Variants in RAB6B observed in about 807,000 individuals in gnomAD.
RAB6B encodes the protein RAB6B, member RAS oncogene family.
A neutral mutation model predicts 31.2 loss-of-function variants in RAB6B; 7 were observed. The observed-to-expected ratio is 0.22, with a 90% CI of 0.13 to 0.42. RAB6B has a LOEUF of 0.42. Ranked by LOEUF, RAB6B falls within the 10% of genes least tolerant of loss-of-function variation. The probability of loss-of-function intolerance (pLI) is 1.00; values close to 1 mark genes in which losing one functional copy is unlikely to be tolerated. For synonymous variants in RAB6B, 105 were observed against 104.9 expected, an observed-to-expected ratio of 1.00 and a Z score of -0.01; for missense variants, 149 against 280.6, an observed-to-expected ratio of 0.53 and a Z score of 3.35.
intron 1 of RAB6B, among the ~76,000 whole-genome samples, chr3:133,884,225 C>A (rs1370750367): frequency 1.3e-5 from 2 of 152,242 alleles, no homozygotes; most frequent in African/African-American, 4.8e-5. Context: ...TGCAGAAGAA[C>A]AGGAAGGGCA....
At chr3:133,891,912 T>C (rs1192097702) in intron 1 of RAB6B, among the ~76,000 whole-genome samples, 1 of 152,092 alleles carries the variant, frequency 6.6e-6, no homozygotes, top group Non-Finnish European at 1.5e-5. Context: ...TGCGTCTCCA[T>C]CCAGTCTTCC....
At chr3:133,849,766 C>A (rs1303990277) in intron 2 of RAB6B, among the ~76,000 whole-genome samples, 1 of 152,162 alleles carries the variant, frequency 6.6e-6, no homozygotes, top group Admixed American at 6.5e-5. Context: ...CTGTCATAAT[C>A]TTATGGTCAT....
chr3:133,841,167 C>G (rs1158701200), intron 4 of RAB6B, 118 bp downstream of exon 4: 5 of 669,856 alleles, frequency 7.5e-6, no homozygotes, highest in Non-Finnish European at 1.2e-5. Context: ...CAATCGCACA[C>G]ACATGCGTGT....
At chr3:133,835,387 ATG>A (rs1935719035) in intron 6 of RAB6B, among the ~76,000 whole-genome samples, 1 of 151,070 alleles carries the variant, frequency 6.6e-6, no homozygotes, top group Admixed American at 6.6e-5. Context: ...TGGCATCTTT[ATG>A]TGTGTGTTTG....
At chr3:133,885,791 T>G in intron 1 of RAB6B, 4 of 592,202 alleles carry the variant, frequency 6.8e-6, no homozygotes, top group South Asian at 6.2e-5. Context: ...TGAGGCCTCA[T>G]TCTAAGAGAA....
At chr3:133,884,768 C>T (rs941586641) in intron 1 of RAB6B, among the ~76,000 whole-genome samples, 3 of 151,102 alleles carry the variant, frequency 2.0e-5, no homozygotes, top group Admixed American at 2.0e-4. Context: ...ATACCCAGTG[C>T]CCAAAGGACA....
At position 133,849,951 on chromosome 3, in the gene RAB6B, CA is replaced by C. The variant is rs143272181; in HGVS notation, c.130-8289del. 2.2e-3 allele frequency among the ~76,000 whole-genome samples: 335 copies of C among 152,248 alleles called. 3 individuals carry two copies. Among genetic ancestry groups the C allele is most frequent in the African/African-American group, 7.7e-3 (318 of 41,554 alleles). ...TCATCTATTTGCCTCAAATAAGGCA[CA>C]AACAGTCTTACTGGTTGAGAAATTA... On this transcript the variant is annotated intron_variant, in intron 2 of 7. Coordinates refer to ENST00000285208, the MANE Select transcript of RAB6B (RefSeq NM_016577.4).
intron 1 of RAB6B, among the ~76,000 whole-genome samples, chr3:133,874,618 A>T (rs927406687): frequency 6.6e-6 from 1 of 152,246 alleles, no homozygotes; most frequent in East Asian, 1.9e-4. Flanking sequence ...AAATCTATTT[A>T]AAAATATTTT....
chr3:133,885,660 A>G (rs1204830761), intron 1 of RAB6B: 7 of 702,512 alleles, frequency 1.0e-5, no homozygotes, highest in Non-Finnish European at 1.8e-5. Flanking sequence ...CAGGGAACCC[A>G]GGGCACTGTG....
intron 2 of RAB6B, among the ~76,000 whole-genome samples, chr3:133,848,358 A>G (rs1164115354): frequency 6.6e-6 from 1 of 152,152 alleles, no homozygotes; most frequent in Non-Finnish European, 1.5e-5. Flanking sequence ...CCACTGCCCT[A>G]GTTTAGACAC....
At chr3:133,839,468 G>A in intron 5 of RAB6B, 38 bp downstream of exon 5, 1 of 1,515,136 alleles carries the variant, frequency 6.6e-7, no homozygotes. Flanking sequence ...CAGAGGAGTG[G>A]AGGGTGGCAC....
Position 133,874,051 on chromosome 3 carries a change from T to C in RAB6B, c.71-9409A>G, listed in dbSNP as rs571257741. Among the ~76,000 whole-genome samples the C allele has an allele frequency of 4.7e-4, 71 of 152,286 alleles. No homozygotes were observed. The South Asian group carries it at 7.7e-3, about 17-fold the overall frequency. On this transcript the variant is annotated intron_variant, in intron 1 of 7. Transcript: ENST00000285208. ...GAAGAGGAGGAGGAAGGGAAAGGGT[T>C]GGTCTTGCTGTCTCAAAAATGGCAG... is the stretch of plus-strand genomic sequence containing the variant.
intron 5 of RAB6B, among the ~76,000 whole-genome samples, 195 bp downstream of exon 5, chr3:133,839,311 G>A (rs1295195480): frequency 6.6e-6 from 1 of 152,238 alleles, no homozygotes; most frequent in Non-Finnish European, 1.5e-5. Context: ...GTGGAAGACA[G>A]GGCTTCACAG....
chr3:133,840,176 A>G (rs902416225), intron 4 of RAB6B, among the ~76,000 whole-genome samples: 3 of 151,864 alleles, frequency 2.0e-5, no homozygotes, highest in African/African-American at 7.3e-5. Flanking sequence ...TCTGCAGATG[A>G]GAGGAGGGGA....
At chr3:133,843,621 T>A (rs1219280787) in intron 2 of RAB6B, among the ~76,000 whole-genome samples, 1 of 152,210 alleles carries the variant, frequency 6.6e-6, no homozygotes, top group Non-Finnish European at 1.5e-5. Context: ...CAGTATGTAG[T>A]TTCCCTTTCT....
At chr3:133,891,731 G>C (rs1936640172) in intron 1 of RAB6B, among the ~76,000 whole-genome samples, 1 of 152,302 alleles carries the variant, frequency 6.6e-6, no homozygotes, top group South Asian at 2.1e-4. Flanking sequence ...CAACAAAAAG[G>C]CAGCTGCCTG....
At chr3:133,868,768 G>A (rs1054518707) in intron 1 of RAB6B, among the ~76,000 whole-genome samples, 2 of 152,152 alleles carry the variant, frequency 1.3e-5, no homozygotes, top group Admixed American at 1.3e-4. Context: ...CATTTACCAG[G>A]AGATGCTAGA....
At chr3:133,841,452 T>G in intron 3 of RAB6B, 62 bp from the exon 4 acceptor site, 1 of 1,574,808 alleles carries the variant, frequency 6.3e-7, no homozygotes, top group Non-Finnish European at 8.7e-7. Context: ...GTCCTCCTGG[T>G]CCGGGGGACT....
chr3:133,867,200 T>C (rs1237593668), intron 1 of RAB6B, among the ~76,000 whole-genome samples: 2 of 152,228 alleles, frequency 1.3e-5, no homozygotes, highest in Non-Finnish European at 2.9e-5. Context: ...CTGGGAATTG[T>C]GCAGGAGGAG....
Sources: gnomAD v4.1 joint callset for allele counts (sites outside exome capture counted in the v4.1 genomes callset) on GRCh38, gnomAD v4.1.1 for gene constraint, MANE v1.5 for transcripts, NCBI Gene and HGNC (gene_info 2026-07-23, HGNC 2026-07-21) for gene names.